LYRM4: variants seen among roughly 807,000 people sequenced by gnomAD.
LYRM4 encodes LYR motif-containing protein 4.
LYRM4 carries 9 observed loss-of-function variants against 11.7 expected under a neutral mutation model. The observed-to-expected ratio is 0.77, with a 90% CI of 0.46 to 1.34. LYRM4 has a LOEUF of 1.34. LYRM4 is among the 40% of genes most tolerant of loss of function. The pLI, the probability that LYRM4 is intolerant of heterozygous loss-of-function variation, is 0.00. For missense variants in LYRM4, 133 were observed against 112.5 expected (o/e 1.18, Z -0.82); for synonymous variants, 42 against 40.4 (o/e 1.04, Z -0.15).
At chr6:5,231,219 CA>C (rs929777779) in intron 1 of LYRM4, among the ~76,000 whole-genome samples, 3 of 151,356 alleles carry the variant, frequency 2.0e-5, no homozygotes, top group Non-Finnish European at 4.4e-5. Context: ...AATAAAAAAC[CA>C]AAAAAAACCC....
the LYRM4 span, among the ~76,000 whole-genome samples, chr6:5,062,821 C>T: frequency 6.6e-6 from 1 of 152,226 alleles, no homozygotes; most frequent in African/African-American, 2.4e-5. Context: ...ATGGGAGAGG[C>T]TGCACACTTT....
chr6:5,120,652 T>C (rs1302738828), intron 2 of LYRM4, among the ~76,000 whole-genome samples: 1 of 152,118 alleles, frequency 6.6e-6, no homozygotes, highest in Non-Finnish European at 1.5e-5. Context: ...TACAGAGTGC[T>C]GATTGGTCCA....
chr6:5,107,715 TCA>T (rs1762703162), downstream of LYRM4: 1 of 152,244 alleles, frequency 6.6e-6, no homozygotes, highest in African/African-American at 2.4e-5. Context: ...TTCATTATTT[TCA>T]CAGATGCTCA....
At chr6:5,258,466 A>G (rs1163473551) in intron 1 of LYRM4, among the ~76,000 whole-genome samples, 2 of 152,232 alleles carry the variant, frequency 1.3e-5, no homozygotes, top group African/African-American at 2.4e-5. Flanking sequence ...CATGAAGAAC[A>G]TAAGATAGCA....
intron 2 of LYRM4, among the ~76,000 whole-genome samples, chr6:5,184,030 C>T (rs1196532411): frequency 1.3e-5 from 2 of 152,112 alleles, no homozygotes; most frequent in Admixed American, 6.5e-5. Flanking sequence ...TAAATACATA[C>T]AATTTTTACT....
the LYRM4 span, among the ~76,000 whole-genome samples, chr6:5,089,853 A>T: frequency 6.6e-6 from 1 of 152,230 alleles, no homozygotes; most frequent in African/African-American, 2.4e-5. Context: ...ATTTTGTTTT[A>T]TAAAAGTGCC....
intron 2 of LYRM4, among the ~76,000 whole-genome samples, chr6:5,114,783 T>G (rs1763045500): frequency 6.6e-6 from 1 of 152,166 alleles, no homozygotes; most frequent in South Asian, 2.1e-4. Context: ...TCTCATGTTT[T>G]AAGTTTACGA....
At chr6:5,258,163 G>C (rs147573615) in intron 1 of LYRM4, among the ~76,000 whole-genome samples, 2 of 152,298 alleles carry the variant, frequency 1.3e-5, no homozygotes, top group African/African-American at 4.8e-5. Flanking sequence ...ATGCACATGT[G>C]GGACTTAGGC....
the LYRM4 span, chr6:5,066,298 A>G: frequency 5.5e-6 from 4 of 722,338 alleles, no homozygotes; most frequent in Non-Finnish European, 1.0e-5. Context: ...TTTTTTACCA[A>G]TAAACATATT....
chr6:5,150,872 G>T (rs1235172988), intron 2 of LYRM4, among the ~76,000 whole-genome samples: 3 of 152,090 alleles, frequency 2.0e-5, no homozygotes, highest in Non-Finnish European at 4.4e-5. Flanking sequence ...TGCTATTTCT[G>T]ATGACACAGC....
At chr6:5,060,986 C>T in the LYRM4 span, among the ~76,000 whole-genome samples, 2 of 152,128 alleles carry the variant, frequency 1.3e-5, no homozygotes, top group African/African-American at 4.8e-5. Flanking sequence ...GTTCTGTGTT[C>T]TTAAATTTAG....
intron 2 of LYRM4, among the ~76,000 whole-genome samples, chr6:5,215,088 A>T (rs916374599): frequency 1.3e-5 from 2 of 151,200 alleles, no homozygotes; most frequent in African/African-American, 4.9e-5. Flanking sequence ...CCAAGAAGTG[A>T]CACAGACAAT....
the LYRM4 span, among the ~76,000 whole-genome samples, chr6:5,067,550 G>T: frequency 6.6e-6 from 1 of 152,214 alleles, no homozygotes; most frequent in Non-Finnish European, 1.5e-5. Context: ...AGTGCTCAGT[G>T]TCTTTTGTGA....
the LYRM4 span, among the ~76,000 whole-genome samples, chr6:5,074,427 T>G: frequency 0.033 from 4,662 of 140,772 alleles, 138 homozygotes; most frequent in African/African-American, 0.082. Flanking sequence ...TTTTTTGGAG[T>G]TTGGAGTTTG....
intron 2 of LYRM4, among the ~76,000 whole-genome samples, chr6:5,201,642 C>T (rs538661870): frequency 2.6e-5 from 4 of 152,188 alleles, no homozygotes; most frequent in African/African-American, 7.2e-5. Context: ...TCTCTCTGTG[C>T]GCTCCTGAAG....
intron 2 of LYRM4, among the ~76,000 whole-genome samples, chr6:5,109,953 G>A (rs1022097296): frequency 7.2e-5 from 11 of 151,916 alleles, no homozygotes; most frequent in East Asian, 5.8e-4. Context: ...ACACCTGTCC[G>A]TGGCCCATCC....
intron 1 of LYRM4, among the ~76,000 whole-genome samples, chr6:5,251,412 G>C (rs1281491791): frequency 1.3e-5 from 2 of 152,184 alleles, no homozygotes; most frequent in African/African-American, 4.8e-5. Flanking sequence ...TCTGCAGGCT[G>C]TACAGGAATT....
intron 2 of LYRM4, among the ~76,000 whole-genome samples, chr6:5,153,540 C>A (rs962833109): frequency 3.3e-5 from 5 of 152,204 alleles, no homozygotes; most frequent in Admixed American, 6.5e-5. Context: ...ACTCACAGAA[C>A]CTTCCAGAGC....
chr6:5,188,189 AAAAC>A (rs1201466119), intron 2 of LYRM4, among the ~76,000 whole-genome samples: 7 of 152,262 alleles, frequency 4.6e-5, no homozygotes, highest in African/African-American at 1.7e-4. Context: ...ATGTCTACCA[AAAAC>A]AAACAAATGA....
Sources: allele counts gnomAD v4.1 joint callset (sites outside exome capture counted in the v4.1 genomes callset), GRCh38; gene constraint gnomAD v4.1.1; transcripts MANE v1.5; gene names NCBI Gene and HGNC (gene_info 2026-07-23, HGNC 2026-07-21).